The following GNG2 variants were observed in gnomAD, a reference collection of about 807,000 sequenced individuals.
The protein encoded by GNG2 is G protein subunit gamma 2.
GNG2 carries 5 observed loss-of-function variants against 5.5 expected under a neutral mutation model. The observed-to-expected ratio is 0.91, with a 90% CI of 0.48 to 1.92. The LOEUF is 1.92. Among genes scored for constraint, GNG2 ranks in the 30% most tolerant of loss-of-function variants. GNG2 has a pLI of 0.01. For synonymous variants in GNG2, 28 were observed against 32.0 expected, an observed-to-expected ratio of 0.88 and a Z score of 0.42; for missense variants, 55 against 88.4, an observed-to-expected ratio of 0.62 and a Z score of 1.52.
intron 1 of GNG2, among the ~76,000 whole-genome samples, chr14:51,867,515 A>T (rs148884074): frequency 6.6e-6 from 1 of 152,304 alleles, no homozygotes; most frequent in African/African-American, 2.4e-5. Context: ...AAGCACCTCT[A>T]GTTGCAGGAA....
At chr14:51,944,074 G>C (rs911103895) in intron 2 of GNG2, among the ~76,000 whole-genome samples, 1 of 152,156 alleles carries the variant, frequency 6.6e-6, no homozygotes, top group African/African-American at 2.4e-5. Context: ...TGTAGCACTG[G>C]CATAAAGACA....
intron 1 of GNG2, among the ~76,000 whole-genome samples, chr14:51,826,772 A>T (rs1881040807): frequency 6.6e-6 from 1 of 152,228 alleles, no homozygotes; most frequent in African/African-American, 2.4e-5. Flanking sequence ...TCAGCTGAAG[A>T]GTTCAAAAGG....
chr14:51,892,135 T>C (rs1013760095), intron 2 of GNG2, among the ~76,000 whole-genome samples: 2 of 152,196 alleles, frequency 1.3e-5, no homozygotes, highest in African/African-American at 4.8e-5. Context: ...ATTGCAAATA[T>C]ATTCTGGAAG....
chr14:51,966,209 CAAAAAAAAAAAAAAAAAA>C, intron 3 of GNG2, among the ~76,000 whole-genome samples: 1 of 28,138 alleles, frequency 3.6e-5, no homozygotes, highest in African/African-American at 1.6e-4. Context: ...GACTGCATCT[CAAAAAAAAAAAAAAAAAA>C]AAAAAAAAAA....
At chr14:51,938,811 C>T (rs1033948071) in intron 2 of GNG2, among the ~76,000 whole-genome samples, 2 of 152,178 alleles carry the variant, frequency 1.3e-5, no homozygotes, top group African/African-American at 4.8e-5. Context: ...ACCATCTAAG[C>T]AATGGCAAGG....
At chr14:51,869,765 G>A (rs568868965) in intron 1 of GNG2, among the ~76,000 whole-genome samples, 73 of 152,210 alleles carry the variant, frequency 4.8e-4, no homozygotes, top group African/African-American at 1.6e-3. Context: ...CACCCACCTC[G>A]GCCTCCCAAA....
upstream of GNG2, among the ~76,000 whole-genome samples, chr14:51,855,729 C>A (rs1277966809): frequency 2.0e-5 from 3 of 152,156 alleles, no homozygotes; most frequent in Non-Finnish European, 4.4e-5. Context: ...TTCTTCCCTG[C>A]AGCCCACACA....
At position 51,838,013 on chromosome 14, in the gene GNG2, T is replaced by A. The variant is rs539107114; in HGVS notation, c.64+10206T>A. On this transcript the variant is annotated intron_variant, in intron 2 of 3. Transcript: ENST00000553432. ...CAAACAAAAGTACCCACCTGGAGAA[T>A]CAGATAATCACCCCCTCAGGTCTAC... is the stretch of plus-strand genomic sequence containing the variant. Among the ~76,000 whole-genome samples the A allele has an allele frequency of 2.5e-4, 38 of 151,978 alleles. No homozygotes were observed. In the South Asian group the frequency reaches 7.9e-3, roughly 32 times the overall value.
intron 1 of GNG2, among the ~76,000 whole-genome samples, chr14:51,872,310 T>TTGTGTGTGTGTGTGTG (rs35147124): frequency 8.9e-4 from 134 of 149,982 alleles, no homozygotes; most frequent in African/African-American, 2.6e-3. Context: ...AATGACTATT[T>TTGTGTGTGTGTGTGTG]TGTGTGTGTG....
chr14:51,846,455 A>T (rs1881631289), intron 2 of GNG2, among the ~76,000 whole-genome samples: 1 of 152,240 alleles, frequency 6.6e-6, no homozygotes, highest in Non-Finnish European at 1.5e-5. Flanking sequence ...AATTCTCTGA[A>T]GTTGTTGGAT....
At chr14:51,854,808 C>T (rs943371949) in intron 2 of GNG2, among the ~76,000 whole-genome samples, 36 of 152,276 alleles carry the variant, frequency 2.4e-4, no homozygotes, top group African/African-American at 7.5e-4. Flanking sequence ...CCACCGCACC[C>T]GGCCGGCCGT....
upstream of GNG2, among the ~76,000 whole-genome samples, chr14:51,857,541 C>T (rs1244673474): frequency 6.6e-6 from 1 of 152,186 alleles, no homozygotes; most frequent in Non-Finnish European, 1.5e-5. Context: ...AACTCTCCAT[C>T]TCAGCAATGT....
intron 2 of GNG2, among the ~76,000 whole-genome samples, chr14:51,904,603 A>T (rs1006984459): frequency 1.3e-5 from 2 of 152,172 alleles, no homozygotes; most frequent in Admixed American, 1.3e-4. Context: ...ACTGCTCTGT[A>T]TATATACCCC....
chr14:51,964,752 C>T (rs1889799765), intron 3 of GNG2, among the ~76,000 whole-genome samples: 1 of 152,156 alleles, frequency 6.6e-6, no homozygotes, highest in Non-Finnish European at 1.5e-5. Context: ...TGACTTACAC[C>T]TGTAATCCCA....
At chr14:51,864,909 C>T (rs1180633606) in intron 1 of GNG2, among the ~76,000 whole-genome samples, 1 of 152,136 alleles carries the variant, frequency 6.6e-6, no homozygotes, top group Admixed American at 6.6e-5. Context: ...GTGATCCTAA[C>T]CAAAATTTCA....
At chr14:51,880,169 T>C (rs912275715) in intron 2 of GNG2, among the ~76,000 whole-genome samples, 3 of 152,230 alleles carry the variant, frequency 2.0e-5, no homozygotes, top group Admixed American at 2.0e-4. Context: ...TTTTGGGTAC[T>C]ATAGGTATGG....
intron 2 of GNG2, chr14:51,916,283 C>T (rs938811544): frequency 5.0e-5 from 14 of 279,642 alleles, no homozygotes; most frequent in African/African-American, 2.3e-4. Flanking sequence ...TTCAGCTAGA[C>T]GAAAACACAG....
chr14:51,900,607 T>C (rs1245714504), intron 2 of GNG2, among the ~76,000 whole-genome samples: 1 of 150,362 alleles, frequency 6.7e-6, no homozygotes, highest in South Asian at 2.1e-4. Context: ...TTCTGCCTTC[T>C]TTCTGAGCTT....
chr14:51,902,566 A>G (rs1423612078), intron 2 of GNG2, among the ~76,000 whole-genome samples: 3 of 152,232 alleles, frequency 2.0e-5, no homozygotes, highest in Admixed American at 6.5e-5. Flanking sequence ...GAAAACAAAA[A>G]TGAGATATAG....
Sources: allele counts gnomAD v4.1 joint callset (sites outside exome capture counted in the v4.1 genomes callset), GRCh38; gene constraint gnomAD v4.1.1; transcripts MANE v1.5; gene names NCBI Gene and HGNC (gene_info 2026-07-23, HGNC 2026-07-21).